The following GALNT14 variants were observed in gnomAD, a reference collection of about 807,000 sequenced individuals.
The protein encoded by GALNT14 is polypeptide N-acetylgalactosaminyltransferase 14.
Under a neutral mutation model 77.5 loss-of-function variants are expected in GALNT14, and 60 were observed. That is an observed-to-expected ratio of 0.77 (90% CI 0.63 to 0.96). GALNT14 has a LOEUF of 0.96. GALNT14 is among the 40% of genes least tolerant of loss of function. The pLI is 0.00. For missense variants in GALNT14, 710 were observed against 731.0 expected, an observed-to-expected ratio of 0.97 and a Z score of 0.33; for synonymous variants, 280 against 281.7, an observed-to-expected ratio of 0.99 and a Z score of 0.06.
intron 1 of GALNT14, among the ~76,000 whole-genome samples, chr2:31,087,472 C>G (rs150363414): frequency 2.9e-5 from 1 of 34,838 alleles, no homozygotes; most frequent in Non-Finnish European, 5.4e-5. Flanking sequence ...CAGGAGGAGA[C>G]AGGAAAGGAG....
intron 13 of GALNT14, among the ~76,000 whole-genome samples, chr2:30,922,783 G>A (rs932399556): frequency 1.3e-5 from 2 of 152,218 alleles, no homozygotes; most frequent in African/African-American, 4.8e-5. Flanking sequence ...CCTTTGAGGG[G>A]CCCTTCAGGC....
intron 1 of GALNT14, among the ~76,000 whole-genome samples, chr2:31,098,420 T>C (rs1410740090): frequency 6.6e-6 from 1 of 152,152 alleles, no homozygotes; most frequent in Non-Finnish European, 1.5e-5. Context: ...CCTCAGTGAC[T>C]ATGTCAGAAT....
At chr2:30,942,027 T>C (rs1354653140) in intron 9 of GALNT14, among the ~76,000 whole-genome samples, 174 bp downstream of exon 9, 1 of 152,152 alleles carries the variant, frequency 6.6e-6, no homozygotes, top group Non-Finnish European at 1.5e-5. Context: ...ACTATTCCTT[T>C]GGCACCCTAC....
chr2:30,989,582 A>AC (rs1553351577), intron 2 of GALNT14, among the ~76,000 whole-genome samples: 1 of 114,164 alleles, frequency 8.8e-6, no homozygotes, highest in African/African-American at 3.7e-5. Flanking sequence ...ATATATATAT[A>AC]AAAATATATA....
chr2:31,131,191 T>C (rs1678975736), intron 1 of GALNT14, among the ~76,000 whole-genome samples: 1 of 152,160 alleles, frequency 6.6e-6, no homozygotes, highest in Non-Finnish European at 1.5e-5. Context: ...TAAAACACAC[T>C]TGATCTTGAC....
intron 12 of GALNT14, 92 bp from the exon 13 acceptor site, chr2:30,924,355 G>A: frequency 7.5e-7 from 1 of 1,325,340 alleles, no homozygotes; most frequent in Non-Finnish European, 1.1e-6. Flanking sequence ...TTCTGAGAAT[G>A]GCAGGGCTGG....
chr2:31,071,397 G>C (rs754142185), intron 1 of GALNT14, among the ~76,000 whole-genome samples: 3 of 152,196 alleles, frequency 2.0e-5, no homozygotes, highest in Non-Finnish European at 4.4e-5. Flanking sequence ...GGATAATGGA[G>C]AGCCAGTGAC....
intron 7 of GALNT14, 127 bp downstream of exon 7, chr2:30,945,656 G>A (rs746432013): frequency 1.4e-6 from 1 of 738,204 alleles, no homozygotes; most frequent in African/African-American, 1.7e-5. Flanking sequence ...GGTAATTATA[G>A]TGCAGGTTGC....
chr2:30,994,344 G>A (rs1391781472), intron 1 of GALNT14, among the ~76,000 whole-genome samples: 1 of 152,154 alleles, frequency 6.6e-6, no homozygotes, highest in Non-Finnish European at 1.5e-5. Flanking sequence ...GGTGGCCCAG[G>A]GCAGGCTCCA....
At chr2:30,998,685 T>C (rs769533054) in intron 1 of GALNT14, among the ~76,000 whole-genome samples, 2 of 152,206 alleles carry the variant, frequency 1.3e-5, no homozygotes, top group Non-Finnish European at 1.5e-5. Flanking sequence ...ATTGGGGGTA[T>C]GTAGGCACAG....
At chr2:30,931,329 A>C (rs1012216107) in intron 10 of GALNT14, among the ~76,000 whole-genome samples, 20 of 152,312 alleles carry the variant, frequency 1.3e-4, no homozygotes, top group African/African-American at 4.6e-4. Context: ...ATGACAAGAG[A>C]TAGAGGGTGG....
chr2:31,078,175 A>G (rs1014279370), intron 1 of GALNT14, among the ~76,000 whole-genome samples: 3 of 152,208 alleles, frequency 2.0e-5, no homozygotes, highest in Admixed American at 2.0e-4. Flanking sequence ...CCCGGGACCA[A>G]TTATGTTCAT....
At chr2:31,068,984 GT>G (rs1675169701) in intron 1 of GALNT14, among the ~76,000 whole-genome samples, 1 of 152,200 alleles carries the variant, frequency 6.6e-6, no homozygotes, top group African/African-American at 2.4e-5. Flanking sequence ...TAGTGGATTA[GT>G]GGTCACCTGG....
chr2:31,026,402 C>T (rs924164045), intron 1 of GALNT14, among the ~76,000 whole-genome samples: 2 of 152,156 alleles, frequency 1.3e-5, no homozygotes, highest in African/African-American at 4.8e-5. Context: ...CTTACACCCT[C>T]CTGTTGCTTT....
At chr2:31,074,091 C>T (rs1283820105) in intron 1 of GALNT14, among the ~76,000 whole-genome samples, 4 of 152,134 alleles carry the variant, frequency 2.6e-5, no homozygotes, top group Non-Finnish European at 4.4e-5. Context: ...TGAGAAATGG[C>T]CCCATGGTGC....
chr2:30,938,482 C>T (rs1373981152), intron 9 of GALNT14, among the ~76,000 whole-genome samples: 1 of 152,132 alleles, frequency 6.6e-6, no homozygotes, highest in Non-Finnish European at 1.5e-5. Flanking sequence ...ATTACATGTA[C>T]ACTGTGTTAT....
At chr2:31,015,012 G>A (rs561889529) in intron 1 of GALNT14, among the ~76,000 whole-genome samples, 71 of 152,224 alleles carry the variant, frequency 4.7e-4, no homozygotes, top group African/African-American at 1.6e-3. Flanking sequence ...GAGCTTGGCC[G>A]GGCACCGTGG....
At position 31,096,099 on chromosome 2, in the gene GALNT14, G is replaced by A. The variant is rs78745491; in HGVS notation, c.129+41859C>T. On this transcript the variant is annotated intron_variant, in intron 1 of 14. Coordinates refer to ENST00000349752, the MANE Select transcript of GALNT14 (RefSeq NM_024572.4). ...TCTTCAAAGCCAGCAACAATGGATC[G>A]AGTCACTCTAACATGGAATCACTCT... Among the ~76,000 whole-genome samples the A allele has an allele frequency of 2.3e-3, 351 of 152,134 alleles. 8 individuals carry two copies. The East Asian group carries it at 0.047, about 20-fold the overall frequency.
intron 2 of GALNT14, among the ~76,000 whole-genome samples, chr2:30,988,951 C>T (rs1007679888): frequency 3.3e-5 from 5 of 152,128 alleles, no homozygotes; most frequent in Admixed American, 6.5e-5. Flanking sequence ...CGTGGACTAG[C>T]GGCGTTGGTA....
Sources: gnomAD v4.1 joint callset for allele counts (sites outside exome capture counted in the v4.1 genomes callset) on GRCh38, gnomAD v4.1.1 for gene constraint, MANE v1.5 for transcripts, NCBI Gene and HGNC (gene_info 2026-07-23, HGNC 2026-07-21) for gene names.